Variants in ARL5B observed in about 807,000 individuals in gnomAD.
The protein encoded by ARL5B is ADP-ribosylation factor-like protein 5B.
ARL5B carries 10 observed loss-of-function variants against 26.9 expected under a neutral mutation model. The ratio of observed to expected loss-of-function variants is 0.37; its 90% confidence interval spans 0.23 to 0.63. The LOEUF (loss-of-function observed/expected upper bound fraction) is 0.63, where lower values mean the gene tolerates loss of function less well. Ranked by LOEUF, ARL5B falls within the 30% of genes least tolerant of loss-of-function variation. The pLI, the probability that ARL5B is intolerant of heterozygous loss-of-function variation, is 0.62. For synonymous variants in ARL5B, 87 were observed against 70.4 expected, an observed-to-expected ratio of 1.24 and a Z score of -1.18; for missense variants, 167 against 213.9, an observed-to-expected ratio of 0.78 and a Z score of 1.37.
At chr10:18,668,318 G>C (rs949905359) in intron 2 of ARL5B, among the ~76,000 whole-genome samples, 4 of 150,114 alleles carry the variant, frequency 2.7e-5, no homozygotes, top group African/African-American at 4.9e-5. Flanking sequence ...AATTCCTTCC[G>C]TTAAAAAAAA....
In ARL5B at chr10:18,680,310, A is replaced by G. The variant is rs2059927184; in HGVS notation, c.*5094A>G. ...ACTTTGTTTTGTTTTACTCTTGTTT[A>G]CCAGCTGGGCCAACATGGTAGATAT... On this transcript the variant is annotated 3_prime_UTR_variant, in exon 6 of 6. Transcript: ENST00000377275. 1 of 152,002 alleles carries G rather than the reference A, an allele frequency of 6.6e-6. No homozygotes were observed. Among genetic ancestry groups the G allele is most frequent in the Non-Finnish European group, 1.5e-5 (1 of 67,914 alleles). The allele number at this position is 152,002 out of a possible 1,614,324, so 9.4% of individuals were successfully genotyped here.
At chr10:18,668,770 C>CTTT (rs34027786) in intron 3 of ARL5B, 93 bp downstream of exon 3, 740 of 903,508 alleles carry the variant, frequency 8.2e-4, no homozygotes, top group South Asian at 1.9e-3. Context: ...TGACAGTTGC[C>CTTT]TTTTTTTTTT....
chr10:18,662,848 C>T (rs1329219846), intron 1 of ARL5B, among the ~76,000 whole-genome samples: 5 of 151,344 alleles, frequency 3.3e-5, no homozygotes, highest in South Asian at 2.1e-4. Context: ...GGATTACAGG[C>T]GCACACCACC....
At chr10:18,670,089 A>T (rs1258116458) in intron 3 of ARL5B, among the ~76,000 whole-genome samples, 1 of 152,160 alleles carries the variant, frequency 6.6e-6, no homozygotes, top group Non-Finnish European at 1.5e-5. Context: ...CCTCTTTAAA[A>T]AACATGTATT....
intron 1 of ARL5B, among the ~76,000 whole-genome samples, chr10:18,665,658 C>G (rs1417601337): frequency 6.6e-6 from 1 of 152,092 alleles, no homozygotes; most frequent in Non-Finnish European, 1.5e-5. Context: ...TGAGATGTGC[C>G]CAATCGTTGC....
intron 3 of ARL5B, among the ~76,000 whole-genome samples, chr10:18,671,069 T>TC (rs11431390): frequency 0.51 from 77,354 of 152,028 alleles, 20,672 homozygotes; most frequent in East Asian, 0.82. Flanking sequence ...CACAGTTGTT[T>TC]CCCATATTCT....
At chr10:18,659,791 A>G (rs2059819391) in intron 1 of ARL5B, 108 bp downstream of exon 1, 4 of 1,540,080 alleles carry the variant, frequency 2.6e-6, no homozygotes, top group South Asian at 1.2e-5. Context: ...CGGAGGAGGA[A>G]GGGACTTAGG....
intron 1 of ARL5B, among the ~76,000 whole-genome samples, chr10:18,664,946 A>G (rs911212082): frequency 2.0e-5 from 3 of 152,138 alleles, no homozygotes; most frequent in Admixed American, 1.3e-4. Flanking sequence ...CTGTCCTTCC[A>G]TTCCTTTCTC....
intron 1 of ARL5B, among the ~76,000 whole-genome samples, chr10:18,664,508 G>A (rs1356053993): frequency 7.0e-6 from 1 of 143,784 alleles, no homozygotes; most frequent in African/African-American, 2.6e-5. Flanking sequence ...CCCGATCTCG[G>A]CTCACCGCAA....
chr10:18,668,608 T>G lies in ARL5B; in HGVS notation c.186T>G (p.Phe62Leu). The change falls in exon 3 of 6, where the codon TTT (phenylalanine) becomes TTG (leucine). Residue 62 changes from phenylalanine (F) to leucine (L), a missense_variant. Transcript: ENST00000377275. ...VEEIVVKNTH[F>L]LMWDIGGQES... Reference sequence around the variant, plus strand: ...AAATAGTTGTGAAGAACACTCATTTTCTTATGTGGGATATTGGTGGTCAGG... The same window carrying G: ...AAATAGTTGTGAAGAACACTCATTTGCTTATGTGGGATATTGGTGGTCAGG... 6.2e-7 allele frequency: 1 copy of G among 1,614,162 alleles called. No individual in the cohort carries two copies. The highest frequency in any genetic ancestry group is 8.5e-7 in the Non-Finnish European group (1 of 1,180,028).
At position 18,676,540 on chromosome 10, in the gene ARL5B, A is replaced by G. The variant is rs371060934; in HGVS notation, c.*1324A>G. On this transcript the variant is annotated 3_prime_UTR_variant, in exon 6 of 6. Transcript: ENST00000377275. ...TATATTCCTTAAATTAAGAGGAAAG[A>G]CAAGTGTCGTATTTCGATCCTGTTT... is the stretch of plus-strand genomic sequence containing the variant. The G allele has an allele frequency of 1.2e-4, 19 of 152,138 alleles. No homozygotes were observed. Among genetic ancestry groups the G allele is most frequent in the African/African-American group, 4.6e-4 (19 of 41,568 alleles). 9.4% of individuals were successfully genotyped at this position (152,138 alleles called of 1,614,324 possible).
In ARL5B at chr10:18,681,384, T is replaced by C. The variant is rs921987096; in HGVS notation, c.*6168T>C. 4 of 152,224 alleles carry C rather than the reference T, an allele frequency of 2.6e-5. No homozygotes were observed. The highest frequency in any genetic ancestry group is 7.2e-5 in the African/African-American group (3 of 41,464). 9.4% of individuals were successfully genotyped at this position (152,224 alleles called of 1,614,324 possible). A position where few individuals can be genotyped will look rare whatever the true frequency, so the allele number is the denominator to read the frequency against. ...ACATGTTTTAAAGTTTTTAATACTT[T>C]ATTAGTTATGAAGTGCTTCTTTTAT... On this transcript the variant is annotated 3_prime_UTR_variant, in exon 6 of 6. Coordinates refer to ENST00000377275, the MANE Select transcript of ARL5B (RefSeq NM_178815.5).
In ARL5B at chr10:18,681,110, A is replaced by G. The variant is rs1398442199; in HGVS notation, c.*5894A>G. ...GCTTGGTCAACTGGAAGATGGTATT[A>G]ATAAGGTCAGAATTAGGAATTGGAT... On this transcript the variant is annotated 3_prime_UTR_variant, in exon 6 of 6. Coordinates refer to ENST00000377275, the MANE Select transcript of ARL5B (RefSeq NM_178815.5). 3 of 152,158 alleles carry G rather than the reference A, an allele frequency of 2.0e-5. No individual in the cohort carries two copies. Among genetic ancestry groups the G allele is most frequent in the Non-Finnish European group, 2.9e-5 (2 of 68,024 alleles). The allele number at this position is 152,158 out of a possible 1,614,324, so 9.4% of individuals were successfully genotyped here.
chr10:18,673,911 A>G, intron 4 of ARL5B, 73 bp from the exon 5 acceptor site: 1 of 1,420,846 alleles, frequency 7.0e-7, no homozygotes, highest in Non-Finnish European at 9.3e-7. Flanking sequence ...GAAGCACTTC[A>G]TTATAACTGT....
intron 3 of ARL5B, among the ~76,000 whole-genome samples, chr10:18,670,164 TAAAC>T (rs923373807): frequency 6.6e-5 from 10 of 152,170 alleles, no homozygotes; most frequent in Non-Finnish European, 1.0e-4. Flanking sequence ...AACGTGTAAG[TAAAC>T]AAAGATGGCG....
In ARL5B at chr10:18,675,356, T is replaced by A; in HGVS notation, c.*140T>A. 1 of 745,748 alleles carries A rather than the reference T, an allele frequency of 1.3e-6. No individual in the cohort carries two copies. The highest frequency in any genetic ancestry group is 2.2e-6 in the Non-Finnish European group (1 of 452,430). The allele number at this position is 745,748 out of a possible 1,614,324, so 46.2% of individuals were successfully genotyped here. A position where few individuals can be genotyped will look rare whatever the true frequency, so the allele number is the denominator to read the frequency against. On this transcript the variant is annotated 3_prime_UTR_variant, in exon 6 of 6. Transcript: ENST00000377275. ...GAGCAACACTTGAATCAAGTGCAGC[T>A]GAACTGGAACATAAAAGATTTTTTC...
intron 3 of ARL5B, among the ~76,000 whole-genome samples, chr10:18,671,576 T>G (rs2131644649): frequency 6.6e-6 from 1 of 152,228 alleles, no homozygotes; most frequent in East Asian, 1.9e-4. Flanking sequence ...TCTCATTTCT[T>G]AACTTTTTAT....
intron 3 of ARL5B, among the ~76,000 whole-genome samples, chr10:18,669,273 T>C (rs1011926197): frequency 1.6e-4 from 25 of 152,214 alleles, no homozygotes; most frequent in Admixed American, 1.6e-3. Flanking sequence ...TTTTCATGTC[T>C]CCAGGGTTGG....
At position 18,674,050 on chromosome 10, in the gene ARL5B, G is replaced by T. The variant is rs1221099416; in HGVS notation, c.406G>T (p.Ala136Ser). Residue 136 changes from alanine to serine, a missense_variant, in exon 5 of 6, where the codon GCT (alanine) becomes TCT (serine). Physicochemically the swap from Ala to Ser is moderately conservative, Grantham distance 99. Coordinates refer to ENST00000377275, the MANE Select transcript of ARL5B (RefSeq NM_178815.5). ...GGATATGAAAGGGTGTATGACAGCA[G>T]CTGAAATCTCGAAATACCTCACCCT... Reference protein sequence around the residue: ...KQDMKGCMTAAEISKYLTLSS... With the variant: ...KQDMKGCMTASEISKYLTLSS... 1 of 1,613,400 alleles carries T rather than the reference G, an allele frequency of 6.2e-7. No homozygotes were observed. Among genetic ancestry groups the T allele is most frequent in the African/African-American group, 1.3e-5 (1 of 74,868 alleles).
Sources: gnomAD v4.1 joint callset for allele counts (sites outside exome capture counted in the v4.1 genomes callset) on GRCh38, gnomAD v4.1.1 for gene constraint, MANE v1.5 for transcripts, NCBI Gene and HGNC (gene_info 2026-07-23, HGNC 2026-07-21) for gene names.